The following PCDH15 variants were observed in gnomAD, a reference collection of about 807,000 sequenced individuals.
PCDH15 encodes protocadherin related 15.
Under a neutral mutation model 178.5 loss-of-function variants are expected in PCDH15, and 129 were observed. The observed-to-expected ratio is 0.72, with a 90% CI of 0.63 to 0.84. The LOEUF is 0.84. Ranked by LOEUF, PCDH15 falls within the 40% of genes least tolerant of loss-of-function variation. The probability of loss-of-function intolerance (pLI) is 0.00; values close to 1 mark genes in which losing one functional copy is unlikely to be tolerated. For missense variants in PCDH15, 2,230 were observed against 2,099.9 expected (o/e 1.06, Z -1.21); for synonymous variants, 800 against 732.0 (o/e 1.09, Z -1.50).
At chr10:54,635,796 T>C (rs144170264) in intron 2 of PCDH15, among the ~76,000 whole-genome samples, 1 of 151,942 alleles carries the variant, frequency 6.6e-6, no homozygotes, top group East Asian at 1.9e-4. Context: ...AAGAAAAACA[T>C]CATAAATGAT....
intron 2 of PCDH15, among the ~76,000 whole-genome samples, chr10:54,561,655 A>G (rs2088180148): frequency 6.6e-6 from 1 of 152,128 alleles, no homozygotes; most frequent in African/African-American, 2.4e-5. Context: ...CATAATCTCT[A>G]ATAAAGCACT....
intron 1 of PCDH15, among the ~76,000 whole-genome samples, chr10:55,312,613 GTA>G (rs1843613793): frequency 6.7e-6 from 1 of 148,720 alleles, no homozygotes; most frequent in Non-Finnish European, 1.5e-5. Context: ...ACTGCTCTAA[GTA>G]ATAGAGTTTT....
intron 2 of PCDH15, among the ~76,000 whole-genome samples, chr10:55,387,816 C>T (rs1314968261): frequency 2.6e-5 from 4 of 152,026 alleles, no homozygotes; most frequent in Non-Finnish European, 4.4e-5. Context: ...ATTACTGGAA[C>T]ATATAACTTC....
chr10:55,081,653 G>A (rs1374943061), intron 2 of PCDH15, among the ~76,000 whole-genome samples: 6 of 152,132 alleles, frequency 3.9e-5, no homozygotes, highest in African/African-American at 1.4e-4. Context: ...TTCGCTATGT[G>A]AGTTTACAAA....
At chr10:55,028,146 C>G (rs1161909692) in intron 2 of PCDH15, among the ~76,000 whole-genome samples, 1 of 151,750 alleles carries the variant, frequency 6.6e-6, no homozygotes, top group East Asian at 1.9e-4. Flanking sequence ...CTCAGGTTAA[C>G]TGTATGATGT....
rs181889906 is a variant in PCDH15, at chr10:54,637,387, G to A, written c.91+26785C>T. Among the ~76,000 whole-genome samples, 151 of 152,074 alleles carry A rather than the reference G, an allele frequency of 9.9e-4. 1 individual carries two copies. The highest frequency in any genetic ancestry group is 3.5e-3 in the African/African-American group (147 of 41,526). On this transcript the variant is annotated intron_variant, in intron 2 of 37. Coordinates refer to ENST00000644397, the MANE Select transcript of PCDH15 (RefSeq NM_001384140.1). ...AGTCTCATTAGCCTAAAATCGAGGT[G>A]TGGACAGGACTATATCCCTTCTGTA... is the stretch of plus-strand genomic sequence containing the variant.
chr10:54,960,423 T>C (rs533594989), intron 2 of PCDH15, among the ~76,000 whole-genome samples: 1 of 152,184 alleles, frequency 6.6e-6, no homozygotes, highest in African/African-American at 2.4e-5. Context: ...ATTCCCTTCA[T>C]TGAGGTGGGC....
intron 3 of PCDH15, among the ~76,000 whole-genome samples, chr10:54,817,517 T>C (rs1952967173): frequency 6.6e-6 from 1 of 152,022 alleles, no homozygotes; most frequent in South Asian, 2.1e-4. Context: ...TGAAAGAGAA[T>C]TCCTGTGACC....
intron 9 of PCDH15, among the ~76,000 whole-genome samples, chr10:54,216,422 A>C (rs1244523376): frequency 6.6e-6 from 1 of 152,182 alleles, no homozygotes; most frequent in Non-Finnish European, 1.5e-5. Context: ...GTGCCACTGC[A>C]CTCCAGCCTG....
chr10:55,045,776 C>A (rs1385666405), intron 2 of PCDH15, among the ~76,000 whole-genome samples: 3 of 151,794 alleles, frequency 2.0e-5, no homozygotes, highest in African/African-American at 4.8e-5. Context: ...AAAAGTAATG[C>A]CAGTAATGTC....
chr10:55,014,141 T>C (rs1840113969), intron 2 of PCDH15, among the ~76,000 whole-genome samples: 1 of 152,124 alleles, frequency 6.6e-6, no homozygotes, highest in South Asian at 2.1e-4. Context: ...AAAGTAGTTC[T>C]GCATTTAAAA....
chr10:54,728,499 G>T (rs1047276309), intron 1 of PCDH15, among the ~76,000 whole-genome samples: 2 of 151,138 alleles, frequency 1.3e-5, no homozygotes, highest in African/African-American at 4.8e-5. Context: ...ATCGGCACAT[G>T]CTGGAAGAAT....
chr10:54,741,208 CTAA>C (rs908805669), intron 1 of PCDH15, among the ~76,000 whole-genome samples: 3 of 150,440 alleles, frequency 2.0e-5, no homozygotes, highest in Non-Finnish European at 4.4e-5. Flanking sequence ...TTTTTATATA[CTAA>C]TATTTAAAAC....
chr10:54,161,197 A>G (rs72797073), intron 13 of PCDH15, among the ~76,000 whole-genome samples: 4,521 of 152,308 alleles, frequency 0.03, 89 homozygotes, highest in Middle Eastern at 0.082. Flanking sequence ...GATGGATTCT[A>G]TTAAGTAACT....
At chr10:55,141,833 A>T (rs1476157750) in intron 2 of PCDH15, among the ~76,000 whole-genome samples, 1 of 149,546 alleles carries the variant, frequency 6.7e-6, no homozygotes, top group Non-Finnish European at 1.5e-5. Flanking sequence ...TAGAGGAGAA[A>T]TCTGTTCTTT....
At chr10:55,056,247 C>A (rs1841299337) in intron 2 of PCDH15, among the ~76,000 whole-genome samples, 1 of 152,108 alleles carries the variant, frequency 6.6e-6, no homozygotes, top group African/African-American at 2.4e-5. Flanking sequence ...AACATTAAAG[C>A]CAATTAATAT....
intron 2 of PCDH15, among the ~76,000 whole-genome samples, chr10:54,635,287 A>C (rs1206575305): frequency 1.3e-5 from 2 of 151,622 alleles, no homozygotes; most frequent in African/African-American, 4.8e-5. Context: ...ATACATGCTT[A>C]TTTAGCTGAG....
intron 13 of PCDH15, among the ~76,000 whole-genome samples, chr10:54,157,359 G>GT (rs2045266763): frequency 3.3e-5 from 5 of 152,188 alleles, no homozygotes; most frequent in Admixed American, 2.6e-4. Flanking sequence ...GCACCTGCAG[G>GT]CTCAACACCA....
chr10:54,354,281 G>A (rs1335873792), intron 5 of PCDH15, among the ~76,000 whole-genome samples: 2 of 152,134 alleles, frequency 1.3e-5, no homozygotes, highest in African/African-American at 2.4e-5. Flanking sequence ...CACTGTGCCC[G>A]GCCCATATGA....
Sources: gnomAD v4.1 joint callset for allele counts (sites outside exome capture counted in the v4.1 genomes callset) on GRCh38, gnomAD v4.1.1 for gene constraint, MANE v1.5 for transcripts, NCBI Gene and HGNC (gene_info 2026-07-23, HGNC 2026-07-21) for gene names.